WSB2: variants seen among roughly 807,000 people sequenced by gnomAD.
The protein encoded by WSB2 is WD repeat and SOCS box-containing protein 2.
In WSB2, 12 loss-of-function variants were observed where a neutral mutation model predicts 48.8. That is an observed-to-expected ratio of 0.25 (90% CI 0.16 to 0.40). WSB2 has a LOEUF of 0.40. Ranked by LOEUF, WSB2 falls within the 10% of genes least tolerant of loss-of-function variation. WSB2 has a pLI of 1.00. For synonymous variants in WSB2, 191 were observed against 203.1 expected (o/e 0.94, Z 0.51); for missense variants, 317 against 506.2 (o/e 0.63, Z 3.59).
intron 1 of WSB2, among the ~76,000 whole-genome samples, chr12:118,055,571 T>G (rs2031940750): frequency 6.7e-6 from 1 of 149,230 alleles, no homozygotes; most frequent in Non-Finnish European, 1.5e-5. Flanking sequence ...TCCATCCTGA[T>G]AACATTCACA....
chr12:118,054,509 A>G (rs2031916784), intron 1 of WSB2, among the ~76,000 whole-genome samples: 1 of 151,922 alleles, frequency 6.6e-6, no homozygotes, highest in Admixed American at 6.6e-5. Context: ...CATCTCTACT[A>G]AAAATACAAA....
chr12:118,034,403 C>G (rs774794578), intron 8 of WSB2, 45 bp from the exon 9 acceptor site: 4 of 1,599,918 alleles, frequency 2.5e-6, no homozygotes, highest in Non-Finnish European at 3.4e-6. Context: ...CTTGGATGTT[C>G]ATGTTTTCAT....
At chr12:118,051,452 G>C (rs1566141548) in intron 2 of WSB2, among the ~76,000 whole-genome samples, 2 of 152,164 alleles carry the variant, frequency 1.3e-5, no homozygotes, top group African/African-American at 4.8e-5. Context: ...TGAAATACTA[G>C]TATATGCTAG....
At chr12:118,045,339 T>G (rs2031724793) in intron 2 of WSB2, among the ~76,000 whole-genome samples, 1 of 146,748 alleles carries the variant, frequency 6.8e-6, no homozygotes, top group Non-Finnish European at 1.5e-5. Flanking sequence ...CACTCCAGCC[T>G]GGGCAACAGA....
chr12:118,061,558 G>T (rs2032067358), upstream of WSB2, among the ~76,000 whole-genome samples: 1 of 151,050 alleles, frequency 6.6e-6, no homozygotes, highest in Non-Finnish European at 1.5e-5. Context: ...ACCGGAGTAG[G>T]GGAAGCCGGG....
chr12:118,061,727 G>A (rs1240490069), upstream of WSB2, among the ~76,000 whole-genome samples: 1 of 146,924 alleles, frequency 6.8e-6, no homozygotes. Context: ...GGAGGGGCAG[G>A]TGAAAATGGA....
rs751562179 is a variant in WSB2, at chr12:118,043,375, A to G, written c.185T>C (p.Ile62Thr). ...GCTTTTGGCTTCAAACCCTTTAGGG[A>G]TGCTGGGAGAAGCAGAGATTTCTTA... ...LIPWPLEEQF[I>T]PKGFEAKSRS... Residue 62 changes from isoleucine to threonine, a missense_variant and splice_region_variant, in exon 3 of 9, where the codon ATC becomes ACC. Transcript: ENST00000315436. 1 of 1,539,384 alleles carries G rather than the reference A, an allele frequency of 6.5e-7. No homozygotes were observed. The highest frequency in any genetic ancestry group is 1.3e-5 in the South Asian group (1 of 78,096).
chr12:118,050,529 C>T lies in WSB2; in HGVS notation c.182+1781G>A, dbSNP rs537188346. Among the ~76,000 whole-genome samples, 3 of 152,088 alleles carry T rather than the reference C, an allele frequency of 2.0e-5. No homozygotes were observed. In the East Asian group the frequency reaches 5.8e-4, roughly 29 times the overall value. On this transcript the variant is annotated intron_variant, in intron 2 of 8. Coordinates refer to ENST00000315436, the MANE Select transcript of WSB2 (RefSeq NM_018639.5). Reference sequence around the variant, plus strand: ...GGTGGCGCGCCTGTAGTATCAGGTACTTGGGAGGCTAGGGCAGGAGGATAG... The same window carrying T: ...GGTGGCGCGCCTGTAGTATCAGGTATTTGGGAGGCTAGGGCAGGAGGATAG...
At chr12:118,039,074 T>C (rs2137768756) in intron 4 of WSB2, among the ~76,000 whole-genome samples, 1 of 152,300 alleles carries the variant, frequency 6.6e-6, no homozygotes, top group South Asian at 2.1e-4. Flanking sequence ...AGAGAGTGTT[T>C]ATCTTCATTT....
At position 118,035,003 on chromosome 12, in the gene WSB2, A is replaced by G; in HGVS notation, c.1035T>C (p.Gly345=). ...NGLCCTFFPH[G]GVIATGTRDG... is the part of the protein sequence containing the mutation. ...ATACATACCCTGTGGCAATGACTCC[A>G]CCATGTGGAAAAAATGTGCAGCAAA... Residue 345 remains glycine, a synonymous_variant, in exon 8 of 9, where the codon GGT becomes GGC. Coordinates refer to ENST00000315436, the MANE Select transcript of WSB2 (RefSeq NM_018639.5). The G allele has an allele frequency of 6.2e-7, 1 of 1,614,162 alleles. No homozygotes were observed.
chr12:118,042,613 C>T, intron 4 of WSB2: 1 of 537,246 alleles, frequency 1.9e-6, no homozygotes. Flanking sequence ...ATTAAAATAG[C>T]CTAAATAGAC....
intron 1 of WSB2, among the ~76,000 whole-genome samples, chr12:118,055,277 G>A (rs1012861967): frequency 6.6e-6 from 1 of 152,122 alleles, no homozygotes; most frequent in Non-Finnish European, 1.5e-5. Flanking sequence ...CCATCTAGTG[G>A]GTGGAGGCCA....
chr12:118,037,182 AT>A (rs577838566), intron 5 of WSB2, among the ~76,000 whole-genome samples: 7 of 151,842 alleles, frequency 4.6e-5, no homozygotes, highest in East Asian at 2.0e-4. Context: ...ACTGTCTCAA[AT>A]TTTTTTTAAA....
intron 4 of WSB2, among the ~76,000 whole-genome samples, chr12:118,038,808 G>A (rs920972377): frequency 6.6e-6 from 1 of 152,186 alleles, no homozygotes; most frequent in Non-Finnish European, 1.5e-5. Flanking sequence ...AGCCTCCTGA[G>A]TAGCTGGGAT....
intron 2 of WSB2, among the ~76,000 whole-genome samples, chr12:118,046,981 G>A (rs1040123097): frequency 6.6e-6 from 1 of 151,994 alleles, no homozygotes; most frequent in Non-Finnish European, 1.5e-5. Flanking sequence ...ATGCTGCCCA[G>A]GTTAGTCACT....
intron 2 of WSB2, among the ~76,000 whole-genome samples, chr12:118,051,847 G>A (rs1413579137): frequency 6.6e-6 from 1 of 152,168 alleles, no homozygotes; most frequent in Non-Finnish European, 1.5e-5. Flanking sequence ...GGTGGTGTGT[G>A]CCTGTAATCC....
intron 5 of WSB2, 63 bp from the exon 6 acceptor site, chr12:118,036,573 G>A: frequency 6.6e-7 from 1 of 1,509,880 alleles, no homozygotes; most frequent in Non-Finnish European, 8.9e-7. Context: ...CAAACGGAGG[G>A]AGGGAAAGGT....
chr12:118,034,365 T>C lies in WSB2; in HGVS notation c.1053-7A>G. On this transcript the variant is annotated splice_polypyrimidine_tract_variant and splice_region_variant and intron_variant, in intron 8 of 8. Coordinates refer to ENST00000315436, the MANE Select transcript of WSB2 (RefSeq NM_018639.5). ...GACGTGGCCATCTCTTGTCCTAAAA[T>C]GAAACAGAAACCGATGCTAAGACAG... is the stretch of plus-strand genomic sequence containing the variant. The C allele has an allele frequency of 1.2e-6, 2 of 1,612,990 alleles. No individual in the cohort carries two copies. Among genetic ancestry groups the C allele is most frequent in the South Asian group, 1.1e-5 (1 of 91,012 alleles).
intron 5 of WSB2, 135 bp from the exon 6 acceptor site, chr12:118,036,645 C>T (rs1027854437): frequency 1.1e-6 from 1 of 916,110 alleles, no homozygotes; most frequent in Non-Finnish European, 1.6e-6. Context: ...TTCTACAGCT[C>T]TTCCAGAACG....
Sources: gnomAD v4.1 joint callset for allele counts (sites outside exome capture counted in the v4.1 genomes callset) on GRCh38, gnomAD v4.1.1 for gene constraint, MANE v1.5 for transcripts, NCBI Gene and HGNC (gene_info 2026-07-23, HGNC 2026-07-21) for gene names.